The following GRID2 variants were observed in gnomAD, a reference collection of about 807,000 sequenced individuals.
The protein encoded by GRID2 is glutamate receptor ionotropic, delta-2.
Under a neutral mutation model 114.8 loss-of-function variants are expected in GRID2, and 33 were observed. The ratio of observed to expected loss-of-function variants is 0.29; its 90% CI spans 0.22 to 0.38. The LOEUF (loss-of-function observed/expected upper bound fraction) is 0.38. Ranked by LOEUF, GRID2 falls within the 10% of genes least tolerant of loss-of-function variation. The pLI is 1.00. For synonymous variants in GRID2, 505 were observed against 449.9 expected, an observed-to-expected ratio of 1.12 and a Z score of -1.55; for missense variants, 1,184 against 1,257.7, an observed-to-expected ratio of 0.94 and a Z score of 0.89.
At chr4:93,750,678 C>G (rs1280576146) in intron 14 of GRID2, among the ~76,000 whole-genome samples, 1 of 151,980 alleles carries the variant, frequency 6.6e-6, no homozygotes, top group Non-Finnish European at 1.5e-5. Flanking sequence ...ATGGCGTGAA[C>G]CCGGGAGGCA....
intron 11 of GRID2, among the ~76,000 whole-genome samples, chr4:93,465,134 A>C (rs961681954): frequency 7.2e-5 from 11 of 152,216 alleles, no homozygotes; most frequent in African/African-American, 2.4e-4. Context: ...CACAATTGTC[A>C]TGCTGAGGAA....
At chr4:92,415,294 T>C (rs1731541071) in intron 1 of GRID2, among the ~76,000 whole-genome samples, 1 of 151,998 alleles carries the variant, frequency 6.6e-6, no homozygotes, top group African/African-American at 2.4e-5. Context: ...CTACAACAAA[T>C]ATAGATTTTT....
chr4:92,687,067 T>C (rs1733940495), intron 2 of GRID2, among the ~76,000 whole-genome samples: 1 of 152,164 alleles, frequency 6.6e-6, no homozygotes, highest in Non-Finnish European at 1.5e-5. Flanking sequence ...AAGTCATAAA[T>C]TAACTACAGC....
chr4:93,684,216 G>A (rs147598180), intron 14 of GRID2, among the ~76,000 whole-genome samples: 2,221 of 152,096 alleles, frequency 0.015, 60 homozygotes, highest in African/African-American at 0.05. Context: ...AGTAGTAAAT[G>A]TAATGTTTAG....
intron 2 of GRID2, among the ~76,000 whole-genome samples, chr4:92,890,452 G>A (rs181526138): frequency 2.4e-3 from 368 of 151,990 alleles, no homozygotes; most frequent in African/African-American, 7.3e-3. Flanking sequence ...GTGGGTGAAG[G>A]ATATGAACAG....
intron 8 of GRID2, among the ~76,000 whole-genome samples, chr4:93,257,583 T>C (rs1267456467): frequency 6.6e-6 from 1 of 151,662 alleles, no homozygotes; most frequent in East Asian, 1.9e-4. Flanking sequence ...ATATTTCTCT[T>C]ATCTTCAAGA....
rs73837323 is a variant in GRID2, at chr4:92,661,537, T to C, written c.244+71251T>C. On this transcript the variant is annotated intron_variant, in intron 2 of 15. Coordinates refer to ENST00000282020, the MANE Select transcript of GRID2 (RefSeq NM_001510.4). ...TCATTTCTTAATGAACATTTATTGA[T>C]GCAAATGAAAATTATATAAATATTC... Among the ~76,000 whole-genome samples, 967 of 151,060 alleles carry C rather than the reference T, an allele frequency of 6.4e-3. 8 individuals carry two copies. The highest frequency in any genetic ancestry group is 0.021 in the African/African-American group (884 of 41,440).
At chr4:92,653,873 C>A (rs969785904) in intron 2 of GRID2, among the ~76,000 whole-genome samples, 2 of 152,048 alleles carry the variant, frequency 1.3e-5, no homozygotes, top group Non-Finnish European at 2.9e-5. Context: ...GTCATAAATT[C>A]TTGAATACTT....
chr4:93,068,767 G>C (rs1728543240), intron 2 of GRID2, among the ~76,000 whole-genome samples: 1 of 151,878 alleles, frequency 6.6e-6, no homozygotes, highest in Non-Finnish European at 1.5e-5. Context: ...TGGGGGAAGA[G>C]AAGGTGTTAA....
chr4:93,309,107 T>C (rs774068746), intron 8 of GRID2, among the ~76,000 whole-genome samples: 4 of 152,178 alleles, frequency 2.6e-5, no homozygotes, highest in Non-Finnish European at 4.4e-5. Context: ...ATATTTATCA[T>C]GTTGGTTTCC....
intron 1 of GRID2, among the ~76,000 whole-genome samples, chr4:92,459,814 C>T (rs1721390457): frequency 6.6e-6 from 1 of 151,262 alleles, no homozygotes; most frequent in African/African-American, 2.4e-5. Flanking sequence ...TACAGTAAAG[C>T]AGATGACCCT....
At chr4:92,692,287 C>T (rs1440735668) in intron 2 of GRID2, among the ~76,000 whole-genome samples, 2 of 152,132 alleles carry the variant, frequency 1.3e-5, no homozygotes, top group African/African-American at 4.8e-5. Context: ...AAGTACTACA[C>T]TGTAGCACCT....
rs181132320 is a variant in GRID2 at position 93,437,850 on chromosome 4, C to T, written c.1545+14882C>T. ...AACTACTCCCATCTCTTAGTAATCT[C>T]GTCCTCTGAGAACACCTATTCCACT... On this transcript the variant is annotated intron_variant, in intron 10 of 15. Coordinates refer to ENST00000282020, the MANE Select transcript of GRID2 (RefSeq NM_001510.4). 6.6e-5 allele frequency among the ~76,000 whole-genome samples: 10 copies of T among 152,198 alleles called. No homozygotes were observed. In the East Asian group the frequency reaches 1.4e-3, roughly 21 times the overall value.
chr4:92,916,470 A>T (rs1380554837), intron 2 of GRID2, among the ~76,000 whole-genome samples: 2 of 152,120 alleles, frequency 1.3e-5, no homozygotes, highest in South Asian at 2.1e-4. Context: ...TTAACTCGTC[A>T]TTTAACATTA....
chr4:92,903,920 T>C (rs892766435), intron 2 of GRID2, among the ~76,000 whole-genome samples: 10 of 151,932 alleles, frequency 6.6e-5, no homozygotes, highest in Admixed American at 2.0e-4. Flanking sequence ...AGATCTATCA[T>C]AGAGGGAAGT....
At chr4:92,519,124 C>A (rs1379156164) in intron 1 of GRID2, among the ~76,000 whole-genome samples, 1 of 151,712 alleles carries the variant, frequency 6.6e-6, no homozygotes, top group Non-Finnish European at 1.5e-5. Flanking sequence ...CAAATTTAAC[C>A]TTTATTTAGC....
chr4:93,366,229 A>G (rs1174234890), intron 8 of GRID2, among the ~76,000 whole-genome samples: 2 of 152,100 alleles, frequency 1.3e-5, no homozygotes, highest in Non-Finnish European at 2.9e-5. Flanking sequence ...CTCTTCTTTG[A>G]AAAGCAAATG....
In GRID2 at chr4:93,140,507, G is replaced by A. The variant is rs1456863564; in HGVS notation, c.735+29554G>A. Among the ~76,000 whole-genome samples the A allele has an allele frequency of 1.3e-5, 2 of 152,056 alleles. 1 individual carries two copies. The highest frequency in any genetic ancestry group is 1.3e-4 in the Admixed American group (2 of 15,260). On this transcript the variant is annotated intron_variant, in intron 4 of 15. Transcript: ENST00000282020. The stretch of plus-strand genomic sequence containing the variant: ...ACAGTTGGCATTTGCTCAATTTTAT[G>A]TAAATGCAATAAAAATACAACTTCA...
At chr4:93,530,731 T>A (rs994882786) in intron 13 of GRID2, among the ~76,000 whole-genome samples, 9 of 152,178 alleles carry the variant, frequency 5.9e-5, no homozygotes, top group Admixed American at 3.9e-4. Context: ...ACATACCTGA[T>A]TCATCAGTGT....
Sources: gnomAD v4.1 joint callset for allele counts (sites outside exome capture counted in the v4.1 genomes callset) on GRCh38, gnomAD v4.1.1 for gene constraint, MANE v1.5 for transcripts, NCBI Gene and HGNC (gene_info 2026-07-23, HGNC 2026-07-21) for gene names.